The following CTNNA2 variants were observed in gnomAD, a reference collection of about 807,000 sequenced individuals.
The protein encoded by CTNNA2 is catenin alpha 2.
A neutral mutation model predicts 101.0 loss-of-function variants in CTNNA2; 42 were observed. The observed-to-expected ratio is 0.42, with a 90% confidence interval of 0.32 to 0.54. The LOEUF is 0.54. Ranked by LOEUF, CTNNA2 falls within the 20% of genes least tolerant of loss-of-function variation. The pLI is 0.14. For missense variants in CTNNA2, 871 were observed against 1,223.1 expected (o/e 0.71, Z 4.29); for synonymous variants, 450 against 456.4 (o/e 0.99, Z 0.18).
chr2:80,641,703 A>G (rs1673506919), intron 18 of CTNNA2, among the ~76,000 whole-genome samples: 1 of 152,120 alleles, frequency 6.6e-6, no homozygotes, highest in Non-Finnish European at 1.5e-5. Context: ...ACTATTCCCT[A>G]CTTAACCAAG....
chr2:79,672,996 C>T (rs562589226), intron 2 of CTNNA2, among the ~76,000 whole-genome samples: 1 of 152,090 alleles, frequency 6.6e-6, no homozygotes, highest in Non-Finnish European at 1.5e-5. Flanking sequence ...GTGTGAGCCA[C>T]AGGGCACGGC....
intron 4 of CTNNA2, 26 bp from the exon 5 acceptor site, chr2:79,869,790 A>G: frequency 6.2e-7 from 1 of 1,603,732 alleles, no homozygotes; most frequent in Non-Finnish European, 8.5e-7. Context: ...ATCCACTAAT[A>G]AATATGTTGT....
At chr2:80,503,281 A>C (rs941382109) in intron 9 of CTNNA2, among the ~76,000 whole-genome samples, 3 of 152,222 alleles carry the variant, frequency 2.0e-5, no homozygotes, top group African/African-American at 7.2e-5. Flanking sequence ...GGAGCTTTAG[A>C]GATCATTTTG....
intron 7 of CTNNA2, chr2:80,299,441 G>A (rs1440151567): frequency 6.6e-6 from 1 of 151,850 alleles, no homozygotes; most frequent in Non-Finnish European, 1.5e-5. Context: ...CGTTTGTGTA[G>A]ACAACGTTTG....
chr2:79,700,823 A>G (rs546135839), intron 2 of CTNNA2, among the ~76,000 whole-genome samples: 1 of 152,334 alleles, frequency 6.6e-6, no homozygotes, highest in African/African-American at 2.4e-5. Flanking sequence ...CTGTACCCTC[A>G]GTCAGCCACT....
intron 2 of CTNNA2, among the ~76,000 whole-genome samples, chr2:79,306,338 A>G (rs181756668): frequency 6.6e-6 from 1 of 152,168 alleles, no homozygotes; most frequent in Non-Finnish European, 1.5e-5. Flanking sequence ...TATATTTGAA[A>G]ATTACTAAAT....
At chr2:79,216,292 G>A (rs1674257183) in intron 2 of CTNNA2, among the ~76,000 whole-genome samples, 1 of 150,744 alleles carries the variant, frequency 6.6e-6, no homozygotes, top group African/African-American at 2.4e-5. Flanking sequence ...GGAATGGAGG[G>A]TGGAAGGTTG....
In CTNNA2 at chr2:80,302,580, G is replaced by C. The variant is rs780995966; in HGVS notation, c.1057-90631G>C. 1 of 1,607,486 alleles carries C rather than the reference G, an allele frequency of 6.2e-7. No individual in the cohort carries two copies. The highest frequency in any genetic ancestry group is 1.3e-5 in the African/African-American group (1 of 75,052). On this transcript the variant is annotated intron_variant, in intron 7 of 18. Transcript: ENST00000402739. The surrounding 1 kb of genome is among the most constrained non-coding windows in gnomAD (Gnocchi z 6.4). Reference sequence around the variant, plus strand: ...GCGTTCTCGGCGTGCTCGCCGCCTGGAAGAGCCACGGTGGCAGGCTCGAAT... The same window carrying C: ...GCGTTCTCGGCGTGCTCGCCGCCTGCAAGAGCCACGGTGGCAGGCTCGAAT...
intron 2 of CTNNA2, among the ~76,000 whole-genome samples, chr2:79,683,794 T>C (rs1683748556): frequency 6.6e-6 from 1 of 152,222 alleles, no homozygotes; most frequent in African/African-American, 2.4e-5. Context: ...CACAGATGCA[T>C]ACAGGCAAAG....
At chr2:80,337,423 T>C (rs1671849719) in intron 7 of CTNNA2, among the ~76,000 whole-genome samples, 1 of 151,364 alleles carries the variant, frequency 6.6e-6, no homozygotes, top group Non-Finnish European at 1.5e-5. Context: ...GCTCTTTTGC[T>C]TCTGCTGTAG....
chr2:80,279,043 CTT>C (rs1327280138), intron 7 of CTNNA2, among the ~76,000 whole-genome samples: 74 of 57,030 alleles, frequency 1.3e-3, no homozygotes, highest in African/African-American at 4.1e-3. Context: ...ACATTAATGA[CTT>C]TTACGTGTGT....
At chr2:80,233,501 C>T (rs1372630093) in intron 7 of CTNNA2, among the ~76,000 whole-genome samples, 1 of 152,116 alleles carries the variant, frequency 6.6e-6, no homozygotes, top group East Asian at 1.9e-4. Context: ...GTGGCATTCC[C>T]CCTTCTATCA....
At chr2:79,385,684 G>C (rs1181232898) in intron 4 of CTNNA2, among the ~76,000 whole-genome samples, 4 of 151,200 alleles carry the variant, frequency 2.6e-5, no homozygotes, top group African/African-American at 9.7e-5. Context: ...CCCTCCCCTT[G>C]CCCACCACCC....
At chr2:79,929,509 G>T (rs62141610) in intron 7 of CTNNA2, among the ~76,000 whole-genome samples, 40,338 of 152,146 alleles carry the variant, frequency 0.27, 5,614 homozygotes, top group African/African-American at 0.35. Flanking sequence ...TCAAAGGCTA[G>T]TGAGTTCTCT....
In CTNNA2 at chr2:79,657,638, C is replaced by T. The variant is rs558346612; in HGVS notation, c.102+5980C>T. Among the ~76,000 whole-genome samples, 98 of 151,582 alleles carry T rather than the reference C, an allele frequency of 6.5e-4. 1 individual carries two copies. The highest frequency in any genetic ancestry group is 2.2e-3 in the African/African-American group (92 of 41,434). ...TTCTAAAACTTTTTAAAGAAAAAGA[C>T]AGTGATGATTCTATGTCATTTGAAA... On this transcript the variant is annotated intron_variant, in intron 2 of 18. Coordinates refer to ENST00000402739, the MANE Select transcript of CTNNA2 (RefSeq NM_001282597.3).
In CTNNA2 at chr2:79,526,731, A is replaced by G. The variant is rs903275991; in HGVS notation, c.-6+13524A>G. ...ACAAGACAATTTAATGGGGGAAAGA[A>G]TAGTTATTTAAACAAATGGTGCTGA... On this transcript the variant is annotated intron_variant, in intron 1 of 18. Coordinates refer to ENST00000402739, the MANE Select transcript of CTNNA2 (RefSeq NM_001282597.3). Among the ~76,000 whole-genome samples the G allele has an allele frequency of 3.9e-5, 6 of 152,148 alleles. No homozygotes were observed. In the South Asian group the frequency reaches 1.2e-3, roughly 31 times the overall value.
intron 4 of CTNNA2, among the ~76,000 whole-genome samples, chr2:79,376,240 G>T (rs1218901110): frequency 6.6e-6 from 1 of 152,118 alleles, no homozygotes; most frequent in Admixed American, 6.6e-5. Context: ...AAGGAAAAAA[G>T]AGCATTACAA....
intron 2 of CTNNA2, among the ~76,000 whole-genome samples, chr2:79,218,093 A>G (rs1259631616): frequency 6.6e-6 from 1 of 152,224 alleles, no homozygotes; most frequent in African/African-American, 2.4e-5. Context: ...CATTTTAGAA[A>G]TAAAAAACTT....
At chr2:79,893,449 T>C (rs1332684053) in intron 6 of CTNNA2, among the ~76,000 whole-genome samples, 2 of 152,176 alleles carry the variant, frequency 1.3e-5, no homozygotes, top group African/African-American at 2.4e-5. Flanking sequence ...GTTAAAGATA[T>C]TAAGTTTCAA....
Sources: allele counts gnomAD v4.1 joint callset (sites outside exome capture counted in the v4.1 genomes callset), GRCh38; gene constraint gnomAD v4.1.1; non-coding constraint Gnocchi (gnomAD v3.1); transcripts MANE v1.5; gene names NCBI Gene and HGNC (gene_info 2026-07-23, HGNC 2026-07-21).